The following MBNL2 variants were observed in gnomAD, a reference collection of about 807,000 sequenced individuals.
MBNL2 encodes the protein muscleblind like splicing regulator 2.
MBNL2 carries 17 observed loss-of-function variants against 41.9 expected under a neutral mutation model. The observed-to-expected ratio is 0.41, with a 90% CI of 0.28 to 0.61. MBNL2 has a LOEUF of 0.61. Among genes scored for constraint, MBNL2 ranks in the 20% least tolerant of loss-of-function variants. The pLI is 0.35. For synonymous variants in MBNL2, 195 were observed against 182.9 expected (o/e 1.07, Z -0.53); for missense variants, 336 against 505.6 (o/e 0.66, Z 3.22).
intron 6 of MBNL2, among the ~76,000 whole-genome samples, chr13:97,357,274 A>G (rs1378680673): frequency 6.6e-6 from 1 of 152,110 alleles, no homozygotes; most frequent in Non-Finnish European, 1.5e-5. Flanking sequence ...TTGAGATGCT[A>G]CCGTTTTGGG....
intron 2 of MBNL2, among the ~76,000 whole-genome samples, chr13:97,309,190 T>G (rs2058369744): frequency 6.6e-6 from 1 of 152,172 alleles, no homozygotes; most frequent in Non-Finnish European, 1.5e-5. Context: ...GTGAGGAATT[T>G]GGACTTTATT....
intron 8 of MBNL2, among the ~76,000 whole-genome samples, chr13:97,384,444 T>C (rs2065762430): frequency 6.6e-6 from 1 of 152,190 alleles, no homozygotes; most frequent in Non-Finnish European, 1.5e-5. Flanking sequence ...CTGAAAGATC[T>C]CACAAGTGTA....
the MBNL2 span, among the ~76,000 whole-genome samples, chr13:97,191,241 G>C: frequency 1.3e-5 from 2 of 151,620 alleles, no homozygotes; most frequent in Non-Finnish European, 2.9e-5. Flanking sequence ...GCCCTGGGAA[G>C]GGTGTGCACT....
At chr13:97,190,822 G>A in the MBNL2 span, among the ~76,000 whole-genome samples, 3 of 152,126 alleles carry the variant, frequency 2.0e-5, no homozygotes, top group Non-Finnish European at 4.4e-5. Context: ...GAAGCCTGAG[G>A]TTGGATTTAT....
At chr13:97,349,337 G>A (rs2062202205) in intron 5 of MBNL2, among the ~76,000 whole-genome samples, 1 of 152,252 alleles carries the variant, frequency 6.6e-6, no homozygotes, top group African/African-American at 2.4e-5. Context: ...TTCTTTCAGA[G>A]CACAAATGAG....
chr13:97,378,458 G>A (rs1236748723), intron 8 of MBNL2, among the ~76,000 whole-genome samples: 1 of 152,164 alleles, frequency 6.6e-6, no homozygotes, highest in Non-Finnish European at 1.5e-5. Context: ...CTACTGCAGT[G>A]GACACTGATT....
intron 2 of MBNL2, among the ~76,000 whole-genome samples, chr13:97,331,567 C>T (rs1329187914): frequency 1.3e-5 from 2 of 152,140 alleles, no homozygotes; most frequent in African/African-American, 4.8e-5. Context: ...AGCTTGGCAG[C>T]GTGATGTAAT....
At chr13:97,373,626 T>TATA (rs2064630077) in intron 8 of MBNL2, among the ~76,000 whole-genome samples, 2 of 107,634 alleles carry the variant, frequency 1.9e-5, no homozygotes, top group African/African-American at 8.0e-5. Context: ...ATATATATAT[T>TATA]AAGGGTAGGA....
intron 2 of MBNL2, among the ~76,000 whole-genome samples, chr13:97,282,213 G>C (rs2053574181): frequency 6.6e-6 from 1 of 152,108 alleles, no homozygotes; most frequent in South Asian, 2.1e-4. Flanking sequence ...AAATTAGCCA[G>C]TTCTGGTGGC....
chr13:97,303,029 G>A (rs1162236620), intron 2 of MBNL2, among the ~76,000 whole-genome samples: 1 of 152,148 alleles, frequency 6.6e-6, no homozygotes, highest in East Asian at 1.9e-4. Flanking sequence ...ATTCGAACTG[G>A]GCCCTATGTG....
chr13:97,324,161 C>G (rs1480686365), intron 2 of MBNL2, among the ~76,000 whole-genome samples: 1 of 152,188 alleles, frequency 6.6e-6, no homozygotes, highest in African/African-American at 2.4e-5. Flanking sequence ...GTCCCATCCT[C>G]TGGAGTCATC....
Position 97,382,767 on chromosome 13 carries a change from C to T in MBNL2, c.1049-8555C>T, listed in dbSNP as rs111326968. 2.0e-3 allele frequency among the ~76,000 whole-genome samples: 310 copies of T among 151,834 alleles called. 1 individual carries two copies. The highest frequency in any genetic ancestry group is 3.5e-3 in the Non-Finnish European group (236 of 67,940). On this transcript the variant is annotated intron_variant, in intron 8 of 8. Transcript: ENST00000679496. The stretch of plus-strand genomic sequence containing the variant: ...TTGGCTCACCACAACCTCCAACCTC[C>T]GCCTCCCGGGTTCAAGTGATTCTCC...
chr13:97,218,440 C>CAAAACAAAAACAAA (rs55815508), upstream of MBNL2, among the ~76,000 whole-genome samples: 2 of 117,974 alleles, frequency 1.7e-5, no homozygotes, highest in African/African-American at 6.9e-5. Context: ...CAAAACAAAA[C>CAAAACAAAAACAAA]AAAAAAAAAA....
At chr13:97,233,000 AGTGAAATGTTT>A (rs2042616375) in intron 1 of MBNL2, among the ~76,000 whole-genome samples, 1 of 150,560 alleles carries the variant, frequency 6.6e-6, no homozygotes, top group African/African-American at 2.5e-5. Flanking sequence ...CCTATTCCAA[AGTGAAATGTTT>A]GTGCTGTTGT....
At chr13:97,316,924 C>T (rs1476722559) in intron 2 of MBNL2, among the ~76,000 whole-genome samples, 2 of 152,110 alleles carry the variant, frequency 1.3e-5, no homozygotes, top group African/African-American at 2.4e-5. Flanking sequence ...ATCCCATGTC[C>T]CTGGAACACT....
chr13:97,290,682 CAAAAAAAAA>C (rs144219795), intron 2 of MBNL2, among the ~76,000 whole-genome samples: 1 of 114,928 alleles, frequency 8.7e-6, no homozygotes, highest in Non-Finnish European at 1.8e-5. Flanking sequence ...GACTCCGTCT[CAAAAAAAAA>C]AAAAAAAAAA....
the MBNL2 span, among the ~76,000 whole-genome samples, chr13:97,213,213 A>G: frequency 6.6e-6 from 1 of 152,214 alleles, no homozygotes; most frequent in East Asian, 1.9e-4. Flanking sequence ...GTGACAAAGA[A>G]AGATCTAGAA....
the MBNL2 span, among the ~76,000 whole-genome samples, chr13:97,182,732 CAAG>C: frequency 1.1e-4 from 16 of 152,276 alleles, no homozygotes; most frequent in East Asian, 1.4e-3. Context: ...AGGCAACAAT[CAAG>C]AAGAGGTTAT....
intron 1 of MBNL2, among the ~76,000 whole-genome samples, chr13:97,240,388 G>A (rs2044045420): frequency 1.3e-5 from 2 of 151,956 alleles, no homozygotes; most frequent in Admixed American, 1.3e-4. Flanking sequence ...GCGATGCTTG[G>A]GATTAAATGA....
Sources: allele counts gnomAD v4.1 joint callset (sites outside exome capture counted in the v4.1 genomes callset), GRCh38; gene constraint gnomAD v4.1.1; transcripts MANE v1.5; gene names NCBI Gene and HGNC (gene_info 2026-07-23, HGNC 2026-07-21).